Variants in GNRH1 observed in about 807,000 individuals in gnomAD.
GNRH1 encodes gonadotropin releasing hormone 1, also known as progonadoliberin-1.
A neutral mutation model predicts 13.6 loss-of-function variants in GNRH1; 9 were observed. The observed-to-expected ratio is 0.66, with a 90% CI of 0.40 to 1.15. The LOEUF is 1.15. GNRH1 is among the 50% of genes most tolerant of loss of function. The probability of loss-of-function intolerance (pLI) is 0.01; values close to 1 mark genes in which losing one functional copy is unlikely to be tolerated. For missense variants in GNRH1, 116 were observed against 110.8 expected, an observed-to-expected ratio of 1.05 and a Z score of -0.21; for synonymous variants, 44 against 40.1, an observed-to-expected ratio of 1.10 and a Z score of -0.37.
chr8:25,421,024 G>A (rs1801763493), intron 3 of GNRH1, among the ~76,000 whole-genome samples: 1 of 152,028 alleles, frequency 6.6e-6, no homozygotes, highest in Admixed American at 6.5e-5. Flanking sequence ...GTCCTATCAG[G>A]AAACTGGAAA....
chr8:25,419,514 T>C, intron 3 of GNRH1, 54 bp from the exon 4 acceptor site: 1 of 904,128 alleles, frequency 1.1e-6, no homozygotes, highest in Non-Finnish European at 1.9e-6. Context: ...TGAATTTCAT[T>C]ACATTTTGAC....
At chr8:25,421,992 T>A (rs1428104452) in intron 2 of GNRH1, among the ~76,000 whole-genome samples, 2 of 133,948 alleles carry the variant, frequency 1.5e-5, no homozygotes, top group African/African-American at 6.0e-5. Flanking sequence ...CCCCAAGAGT[T>A]TATAGTTGTA....
intron 1 of GNRH1, chr8:25,423,664 T>A: frequency 3.2e-6 from 1 of 316,870 alleles, no homozygotes. Context: ...ACATTTCCCC[T>A]GTTGTGGATT....
At chr8:25,423,816 T>C (rs575887190) in intron 1 of GNRH1, 9 of 183,660 alleles carry the variant, frequency 4.9e-5, no homozygotes, top group African/African-American at 1.4e-4. Context: ...TTTTTCTATT[T>C]ATCCTTCAGT....
At chr8:25,420,854 T>C (rs756569592) in intron 3 of GNRH1, among the ~76,000 whole-genome samples, 14 of 152,158 alleles carry the variant, frequency 9.2e-5, no homozygotes, top group Non-Finnish European at 1.6e-4. Context: ...GATTGCACCA[T>C]TGCACTCTAG....
At chr8:25,421,419 T>A (rs746762828) in intron 3 of GNRH1, among the ~76,000 whole-genome samples, 154 bp downstream of exon 3, 6 of 152,158 alleles carry the variant, frequency 3.9e-5, no homozygotes, top group African/African-American at 7.2e-5. Flanking sequence ...CAACTGGGAT[T>A]GTCATGAAAC....
chr8:25,423,217 G>A lies in GNRH1; in HGVS notation c.114C>T (p.Ala38=), dbSNP rs751508393. 5.3e-5 allele frequency: 85 copies of A among 1,612,126 alleles called. No homozygotes were observed. The highest frequency in any genetic ancestry group is 6.6e-5 in the Non-Finnish European group (78 of 1,178,420). ...YGLRPGGKRD[A]ENLIDSFQEI... ...CTTGGAAAGAATCAATCAAATTTTC[G>A]GCATCTCTCTTTCCTCCAGGGCGCA... Residue 38 remains alanine (A), a synonymous_variant, in exon 2 of 4, where the codon GCC becomes GCT. Transcript: ENST00000421054.
At chr8:25,421,014 G>T (rs548377752) in intron 3 of GNRH1, among the ~76,000 whole-genome samples, 3 of 152,120 alleles carry the variant, frequency 2.0e-5, no homozygotes, top group African/African-American at 7.2e-5. Context: ...GGTGATTATT[G>T]TCCTATCAGG....
chr8:25,422,408 T>G (rs570973259), intron 2 of GNRH1, among the ~76,000 whole-genome samples: 1 of 152,132 alleles, frequency 6.6e-6, no homozygotes. Context: ...ATTAGTTGGG[T>G]GTGATAGTGC....
rs375970738 is a variant in GNRH1 at position 25,421,593 on chromosome 8, G to A, written c.217C>T (p.Arg73Ter). The A allele has an allele frequency of 1.1e-5, 17 of 1,593,922 alleles. No individual in the cohort carries two copies. Among genetic ancestry groups the A allele is most frequent in the Non-Finnish European group, 1.4e-5 (16 of 1,163,368 alleles). Residue 73 changes from arginine to a stop codon, truncating the protein, a stop_gained, in exon 3 of 4, where the codon CGA becomes TGA. Transcript: ENST00000421054. LOFTEE classifies it high-confidence loss of function. ...CTTHQPRSPL[R>*]DLKGALESLI... ...CTTACCAGAGCTCCTTTCAGGTCTC[G>A]GAGGGGAGAACGTGGCTGGTGCGTG...
chr8:25,420,189 G>C (rs998037048), intron 3 of GNRH1, among the ~76,000 whole-genome samples: 8 of 151,492 alleles, frequency 5.3e-5, no homozygotes, highest in African/African-American at 1.9e-4. Flanking sequence ...GCCGAGGTGG[G>C]CGGATCACAA....
Position 25,423,309 on chromosome 8 carries a change from G to C in GNRH1, c.22C>G (p.Leu8Val). 6.2e-7 allele frequency: 1 copy of C among 1,612,750 alleles called. No homozygotes were observed. The highest frequency in any genetic ancestry group is 8.5e-7 in the Non-Finnish European group (1 of 1,178,794). The change falls in exon 2 of 4, where the codon CTA becomes GTA. Residue 8 changes from leucine (L) to valine (V), a missense_variant. Leu to Val is a conservative substitution (Grantham distance 32). Transcript: ENST00000421054. ...CAAGTCAGTAGAATAAGGCCAGCTAGGAGTTTTTGAATTGGCTTCATTCTA... is the reference window on the plus strand; with the variant it reads ...CAAGTCAGTAGAATAAGGCCAGCTACGAGTTTTTGAATTGGCTTCATTCTA... MKPIQKL[L>V]AGLILLTWCV...
At chr8:25,420,952 T>C (rs1801762221) in intron 3 of GNRH1, among the ~76,000 whole-genome samples, 1 of 152,190 alleles carries the variant, frequency 6.6e-6, no homozygotes, top group South Asian at 2.1e-4. Flanking sequence ...TACTTTTTCA[T>C]CAAAAACCTA....
chr8:25,420,519 C>T (rs533615234), intron 3 of GNRH1, among the ~76,000 whole-genome samples: 12 of 152,304 alleles, frequency 7.9e-5, no homozygotes, highest in Non-Finnish European at 1.3e-4. Context: ...TTTCCCAGCT[C>T]CTAGGCATAA....
At chr8:25,423,017 C>T (rs1801794074) in intron 2 of GNRH1, among the ~76,000 whole-genome samples, 173 bp downstream of exon 2, 1 of 152,024 alleles carries the variant, frequency 6.6e-6, no homozygotes. Flanking sequence ...TTGTTTAGTC[C>T]CTGTGTGAAC....
chr8:25,423,707 G>T (rs1436230560), intron 1 of GNRH1: 4 of 242,790 alleles, frequency 1.6e-5, no homozygotes, highest in Non-Finnish European at 3.2e-5. Flanking sequence ...GAGATAAAGA[G>T]AACTGAGTCA....
chr8:25,424,723 A>G (rs1189692173), upstream of GNRH1: 1 of 152,078 alleles, frequency 6.6e-6, no homozygotes, highest in African/African-American at 2.4e-5. Flanking sequence ...GGTGTAGACT[A>G]GATGGACTAG....
At chr8:25,421,331 TAC>T (rs1478652882) in intron 3 of GNRH1, among the ~76,000 whole-genome samples, 1 of 152,094 alleles carries the variant, frequency 6.6e-6, no homozygotes, top group Non-Finnish European at 1.5e-5. Flanking sequence ...AGATAAAAGT[TAC>T]AGAGAGATTT....
At chr8:25,423,373 G>A in intron 1 of GNRH1, 42 bp from the exon 2 acceptor site, 2 of 1,588,560 alleles carry the variant, frequency 1.3e-6, no homozygotes, top group Non-Finnish European at 1.7e-6. Context: ...TCCAGACAAG[G>A]TTGAGTATAA....
Sources: allele counts gnomAD v4.1 joint callset (sites outside exome capture counted in the v4.1 genomes callset), GRCh38; gene constraint gnomAD v4.1.1; transcripts MANE v1.5; gene names NCBI Gene and HGNC (gene_info 2026-07-23, HGNC 2026-07-21).